Variants in CARNMT1 observed in about 807,000 individuals in gnomAD.
CARNMT1 encodes the protein carnosine N-methyltransferase 1.
Under a neutral mutation model 49.6 loss-of-function variants are expected in CARNMT1, and 28 were observed. The observed-to-expected ratio is 0.56, with a 90% CI of 0.42 to 0.77. The LOEUF is 0.77. Ranked by LOEUF, CARNMT1 falls within the 30% of genes least tolerant of loss-of-function variation. The probability of loss-of-function intolerance (pLI) is 0.00; values close to 1 mark genes in which losing one functional copy is unlikely to be tolerated. For missense variants in CARNMT1, 421 were observed against 512.6 expected (o/e 0.82, Z 1.73); for synonymous variants, 178 against 175.0 (o/e 1.02, Z -0.13).
chr9:75,019,445 A>G (rs1010968219), intron 1 of CARNMT1, among the ~76,000 whole-genome samples: 3 of 152,212 alleles, frequency 2.0e-5, no homozygotes, highest in Non-Finnish European at 4.4e-5. Context: ...ATCTCCATTA[A>G]TGCAACCAGG....
At chr9:75,027,034 C>T in intron 1 of CARNMT1, 4 of 1,282,010 alleles carry the variant, frequency 3.1e-6, no homozygotes, top group Non-Finnish European at 4.1e-6. Context: ...CAGGAACCCA[C>T]CTATGGGAAC....
chr9:75,019,504 C>T (rs982418491), intron 1 of CARNMT1, among the ~76,000 whole-genome samples: 5 of 152,150 alleles, frequency 3.3e-5, no homozygotes, highest in Admixed American at 6.5e-5. Context: ...AACTGAGAGC[C>T]TGATAACATT....
intron 3 of CARNMT1, among the ~76,000 whole-genome samples, chr9:75,011,096 A>C (rs1378462583): frequency 6.6e-6 from 1 of 152,210 alleles, no homozygotes; most frequent in African/African-American, 2.4e-5. Context: ...AATGCAAATT[A>C]AGACTATGCC....
chr9:74,981,556 A>G lies in CARNMT1; in HGVS notation c.*2211T>C, dbSNP rs1164744890. 1.3e-5 allele frequency: 2 copies of G among 152,180 alleles called. No homozygotes were observed. The highest frequency in any genetic ancestry group is 2.9e-5 in the Non-Finnish European group (2 of 68,000). The allele number at this position is 152,180 out of a possible 1,614,324, so 9.4% of individuals were successfully genotyped here. A position where few individuals can be genotyped will look rare whatever the true frequency, so the allele number is the denominator to read the frequency against. On this transcript the variant is annotated 3_prime_UTR_variant, in exon 8 of 8. Transcript: ENST00000376834. The stretch of plus-strand genomic sequence containing the variant: ...GAAAAGAAGTGATGCAAATTTGTAT[A>G]GAACATTTAAAAAACAATATTCATG...
At chr9:74,999,595 CA>C (rs915551613) in intron 4 of CARNMT1, 134 bp downstream of exon 4, 2 of 702,740 alleles carry the variant, frequency 2.8e-6, no homozygotes, top group African/African-American at 3.7e-5. Context: ...TTGATTTTAA[CA>C]TAAGACACAT....
intron 3 of CARNMT1, among the ~76,000 whole-genome samples, chr9:75,006,671 T>C (rs1264402454): frequency 6.6e-6 from 1 of 152,210 alleles, no homozygotes; most frequent in Non-Finnish European, 1.5e-5. Context: ...GGAACAGTTA[T>C]GGAAAGGAGA....
At chr9:75,015,816 A>T (rs1833831762) in intron 3 of CARNMT1, 1 of 148,762 alleles carries the variant, frequency 6.7e-6, no homozygotes, top group African/African-American at 2.5e-5. Flanking sequence ...ATAAATAAAT[A>T]AAATAAAAAA....
chr9:74,990,881 G>A lies in CARNMT1; in HGVS notation c.1024+5566C>T, dbSNP rs115934677. Among the ~76,000 whole-genome samples, 484 of 151,996 alleles carry A rather than the reference G, an allele frequency of 3.2e-3. 2 individuals are homozygous for A. Among genetic ancestry groups the A allele is most frequent in the African/African-American group, 0.011 (472 of 41,462 alleles). On this transcript the variant is annotated intron_variant, in intron 6 of 7. Coordinates refer to ENST00000376834, the MANE Select transcript of CARNMT1 (RefSeq NM_152420.3). ...ACACCTGTAAGGCTCTAAAAGTTCT[G>A]GTTAAGAGAGAAAGATTGTTTGACT...
chr9:74,988,212 C>T (rs967756146), intron 6 of CARNMT1, among the ~76,000 whole-genome samples: 2 of 152,034 alleles, frequency 1.3e-5, no homozygotes, highest in African/African-American at 4.8e-5. Context: ...ACACCACACG[C>T]AGCTTTCTTC....
At chr9:75,006,644 CTGAGGAACAGTTA>C (rs1447411365) in intron 3 of CARNMT1, among the ~76,000 whole-genome samples, 7 of 152,108 alleles carry the variant, frequency 4.6e-5, no homozygotes, top group Non-Finnish European at 8.8e-5. Flanking sequence ...AACTGGGTAA[CTGAGGAACAGTTA>C]TGAGGAACAG....
intron 3 of CARNMT1, among the ~76,000 whole-genome samples, chr9:75,007,997 G>T (rs1407056354): frequency 6.6e-6 from 1 of 151,916 alleles, no homozygotes; most frequent in Admixed American, 6.6e-5. Flanking sequence ...ACAAAATTCA[G>T]TTGTGCTTCT....
In CARNMT1 at chr9:75,002,478, C is replaced by T. The variant is rs112866162; in HGVS notation, c.591-2608G>A. Among the ~76,000 whole-genome samples the T allele has an allele frequency of 8.3e-3, 1,267 of 152,208 alleles. 18 individuals carry two copies. Among genetic ancestry groups the T allele is most frequent in the African/African-American group, 0.028 (1,154 of 41,504 alleles). On this transcript the variant is annotated intron_variant, in intron 3 of 7. Transcript: ENST00000376834. The stretch of plus-strand genomic sequence containing the variant: ...AAAATGTGGCTATTGCAAATTGAGA[C>T]GTGCTGTAAGTGTAAAATGAACACC...
intron 6 of CARNMT1, among the ~76,000 whole-genome samples, chr9:74,994,664 ACACAGAT>A (rs1257519930): frequency 1.3e-5 from 2 of 152,182 alleles, no homozygotes; most frequent in Admixed American, 1.3e-4. Flanking sequence ...AAAATGAAAA[ACACAGAT>A]TAGATGCCCA....
intron 6 of CARNMT1, among the ~76,000 whole-genome samples, chr9:74,994,685 C>T (rs944375968): frequency 1.3e-5 from 2 of 152,016 alleles, no homozygotes; most frequent in African/African-American, 2.4e-5. Flanking sequence ...ATGCCCAGAA[C>T]ACAGTAACAT....
intron 6 of CARNMT1, among the ~76,000 whole-genome samples, chr9:74,993,537 C>T (rs1833095603): frequency 6.6e-6 from 1 of 152,120 alleles, no homozygotes; most frequent in South Asian, 2.1e-4. Flanking sequence ...AACTTGAAGG[C>T]AGGGGCGTCC....
chr9:74,986,778 T>G (rs911727520), intron 6 of CARNMT1, among the ~76,000 whole-genome samples: 3 of 152,202 alleles, frequency 2.0e-5, no homozygotes, highest in African/African-American at 7.2e-5. Flanking sequence ...TGCTCATTCT[T>G]CTTAATGTGG....
At chr9:75,004,073 C>G (rs1445406710) in intron 3 of CARNMT1, among the ~76,000 whole-genome samples, 1 of 152,178 alleles carries the variant, frequency 6.6e-6, no homozygotes, top group Non-Finnish European at 1.5e-5. Flanking sequence ...ACAGGTTTCA[C>G]CATGTTAGCA....
At chr9:75,002,965 TG>T (rs1833404970) in intron 3 of CARNMT1, among the ~76,000 whole-genome samples, 1 of 152,166 alleles carries the variant, frequency 6.6e-6, no homozygotes, top group African/African-American at 2.4e-5. Context: ...CTTGAACTCC[TG>T]GGCTCAAGTA....
intron 1 of CARNMT1, 31 bp downstream of exon 1, chr9:75,027,981 T>C: frequency 6.5e-7 from 1 of 1,537,220 alleles, no homozygotes; most frequent in Non-Finnish European, 8.7e-7. Context: ...GCCCCGACGG[T>C]CTGGGCCGGG....
Sources: gnomAD v4.1 joint callset for allele counts (sites outside exome capture counted in the v4.1 genomes callset) on GRCh38, gnomAD v4.1.1 for gene constraint, MANE v1.5 for transcripts, NCBI Gene and HGNC (gene_info 2026-07-23, HGNC 2026-07-21) for gene names.